Variants in INVS observed in about 807,000 individuals in gnomAD.
The protein encoded by INVS is inversin.
A neutral mutation model predicts 108.8 loss-of-function variants in INVS; 86 were observed. That is an observed-to-expected ratio of 0.79 (90% CI 0.66 to 0.95). The LOEUF is 0.95. INVS is among the 40% of genes least tolerant of loss of function. The pLI is 0.00. For missense variants in INVS, 1,169 were observed against 1,297.4 expected (o/e 0.90, Z 1.52); for synonymous variants, 455 against 473.5 (o/e 0.96, Z 0.51).
At chr9:100,181,868 C>T (rs1038387249) in intron 3 of INVS, among the ~76,000 whole-genome samples, 4 of 152,130 alleles carry the variant, frequency 2.6e-5, no homozygotes, top group African/African-American at 7.2e-5. Flanking sequence ...TCGAACTACA[C>T]TACAAGCCTA....
intron 2 of INVS, among the ~76,000 whole-genome samples, chr9:100,110,642 A>AT (rs1372434903): frequency 1.3e-5 from 2 of 152,184 alleles, no homozygotes; most frequent in African/African-American, 4.8e-5. Flanking sequence ...ATATATGTAT[A>AT]TTTTTAAGAG....
chr9:100,222,417 G>A (rs1203876506), intron 3 of INVS, among the ~76,000 whole-genome samples: 2 of 152,182 alleles, frequency 1.3e-5, no homozygotes, highest in African/African-American at 4.8e-5. Context: ...AAACAAAGAT[G>A]AAATTATGTC....
At chr9:100,298,844 T>G (rs2118789871) in intron 16 of INVS, among the ~76,000 whole-genome samples, 1 of 152,154 alleles carries the variant, frequency 6.6e-6, no homozygotes, top group Non-Finnish European at 1.5e-5. Context: ...TTAGAAACTT[T>G]CAAAGCAATC....
intron 14 of INVS, among the ~76,000 whole-genome samples, chr9:100,295,675 G>C (rs1193760491): frequency 6.6e-6 from 1 of 152,082 alleles, no homozygotes; most frequent in South Asian, 2.1e-4. Context: ...AATGAAACTT[G>C]ATCTTAAAAT....
At chr9:100,299,555 A>AACAC (rs55800849) in intron 16 of INVS, among the ~76,000 whole-genome samples, 3,530 of 125,264 alleles carry the variant, frequency 0.028, 96 homozygotes, top group Non-Finnish European at 0.044. Context: ...ATTGACACAC[A>AACAC]ACACACACAC....
At chr9:100,232,890 A>T (rs1831557383) in intron 5 of INVS, among the ~76,000 whole-genome samples, 1 of 152,172 alleles carries the variant, frequency 6.6e-6, no homozygotes. Flanking sequence ...AATTATGTGA[A>T]GAAAGTCAAT....
At chr9:100,213,811 C>T (rs1830907699) in intron 3 of INVS, among the ~76,000 whole-genome samples, 1 of 152,174 alleles carries the variant, frequency 6.6e-6, no homozygotes, top group African/African-American at 2.4e-5. Context: ...ATAGTAAGCA[C>T]TTAGTAAGCC....
chr9:100,182,775 C>T (rs1175634370), intron 3 of INVS, among the ~76,000 whole-genome samples: 1 of 152,018 alleles, frequency 6.6e-6, no homozygotes, highest in Non-Finnish European at 1.5e-5. Flanking sequence ...AATCCCATTA[C>T]TGGATATATG....
chr9:100,133,906 T>C (rs1828136657), intron 3 of INVS, among the ~76,000 whole-genome samples: 1 of 152,140 alleles, frequency 6.6e-6, no homozygotes, highest in Admixed American at 6.6e-5. Flanking sequence ...AATTACATGA[T>C]AGTTTTATTT....
chr9:100,197,141 C>T (rs1830401819), intron 3 of INVS, among the ~76,000 whole-genome samples: 1 of 152,200 alleles, frequency 6.6e-6, no homozygotes, highest in Admixed American at 6.5e-5. Context: ...TCTGACCAAA[C>T]CAGCTTCAAG....
intron 3 of INVS, among the ~76,000 whole-genome samples, chr9:100,209,391 C>T (rs1328364527): frequency 6.6e-6 from 1 of 152,078 alleles, no homozygotes; most frequent in African/African-American, 2.4e-5. Context: ...TGGGAGGAAA[C>T]AGAGGCTAGG....
chr9:100,193,821 C>A (rs1333563174), intron 3 of INVS, among the ~76,000 whole-genome samples: 1 of 152,096 alleles, frequency 6.6e-6, no homozygotes, highest in African/African-American at 2.4e-5. Flanking sequence ...GGATATATTA[C>A]AAATTGTTCT....
chr9:100,265,093 C>T (rs551397506), intron 11 of INVS, among the ~76,000 whole-genome samples, 165 bp downstream of exon 11: 4 of 151,926 alleles, frequency 2.6e-5, no homozygotes, highest in Non-Finnish European at 4.4e-5. Flanking sequence ...CAGGCATGCA[C>T]GATCACACCT....
chr9:100,205,878 T>C (rs1215515803), intron 3 of INVS, among the ~76,000 whole-genome samples: 1 of 152,088 alleles, frequency 6.6e-6, no homozygotes, highest in Non-Finnish European at 1.5e-5. Flanking sequence ...ATTGTGATGA[T>C]AGAACATGTT....
chr9:100,287,852 C>T (rs981248921), intron 13 of INVS, among the ~76,000 whole-genome samples: 1 of 152,096 alleles, frequency 6.6e-6, no homozygotes, highest in African/African-American at 2.4e-5. Context: ...TATCTCAGTA[C>T]CCCAAAATCT....
rs571779949 is a variant in INVS at position 100,209,396 on chromosome 9, G to T, written c.274-16666G>T. Among the ~76,000 whole-genome samples the T allele has an allele frequency of 3.9e-5, 6 of 152,222 alleles. No individual in the cohort carries two copies. In the South Asian group the frequency reaches 1.2e-3, roughly 32 times the overall value. Reference sequence around the variant, plus strand: ...ATTTTTCATGTGGGAGGAAACAGAGGCTAGGAAAAATTCAGTGATTTGCCT... The same window carrying T: ...ATTTTTCATGTGGGAGGAAACAGAGTCTAGGAAAAATTCAGTGATTTGCCT... On this transcript the variant is annotated intron_variant, in intron 3 of 16. Coordinates refer to ENST00000262457, the MANE Select transcript of INVS (RefSeq NM_014425.5).
chr9:100,133,366 A>G (rs937177508), intron 3 of INVS, among the ~76,000 whole-genome samples: 3 of 151,398 alleles, frequency 2.0e-5, no homozygotes, highest in Non-Finnish European at 2.9e-5. Context: ...GTGTGTGTAC[A>G]TGTGCACATA....
intron 10 of INVS, among the ~76,000 whole-genome samples, chr9:100,256,870 A>C (rs1449028120): frequency 6.6e-6 from 1 of 152,190 alleles, no homozygotes; most frequent in East Asian, 1.9e-4. Context: ...TGGTACTGAG[A>C]AGAATGTATA....
intron 3 of INVS, chr9:100,130,773 T>C (rs1332820057): frequency 6.6e-6 from 1 of 152,178 alleles, no homozygotes; most frequent in South Asian, 2.1e-4. Flanking sequence ...GTTAAAACTA[T>C]TATGTAACAG....
Sources: gnomAD v4.1 joint callset for allele counts (sites outside exome capture counted in the v4.1 genomes callset) on GRCh38, gnomAD v4.1.1 for gene constraint, MANE v1.5 for transcripts, NCBI Gene and HGNC (gene_info 2026-07-23, HGNC 2026-07-21) for gene names.